The following PARG variants were observed in gnomAD, a reference collection of about 807,000 sequenced individuals.
PARG encodes mitochondrial poly(ADP-ribose) glycohydrolase.
Under a neutral mutation model 113.0 loss-of-function variants are expected in PARG, and 35 were observed. The ratio of observed to expected loss-of-function variants is 0.31; its 90% CI spans 0.24 to 0.41. The LOEUF (loss-of-function observed/expected upper bound fraction) is 0.41. Among genes scored for constraint, PARG ranks in the 10% least tolerant of loss-of-function variants. The pLI, the probability that PARG is intolerant of heterozygous loss-of-function variation, is 1.00. For missense variants in PARG, 797 were observed against 1,169.4 expected (o/e 0.68, Z 4.64); for synonymous variants, 330 against 409.9 (o/e 0.81, Z 2.36).
At chr10:49,913,028 AT>A (rs1384413131) in intron 7 of PARG, among the ~76,000 whole-genome samples, 10 of 152,142 alleles carry the variant, frequency 6.6e-5, no homozygotes, top group African/African-American at 2.4e-4. Context: ...CAAACCAAAT[AT>A]ATTTTCAACT....
intron 4 of PARG, among the ~76,000 whole-genome samples, chr10:49,927,301 GTCAAGAAAGAAAGAAAGAAA>G (rs1589003837): frequency 7.6e-5 from 11 of 144,970 alleles, no homozygotes; most frequent in East Asian, 4.1e-4. Flanking sequence ...GCAAGACTCT[GTCAAGAAAGAAAGAAAGAAA>G]GAAAGAAGGA....
chr10:49,823,614 CTTAA>C lies in PARG; in HGVS notation c.2648-3325_2648-3322del, dbSNP rs1456128817. On this transcript the variant is annotated intron_variant, in intron 16 of 17. Coordinates refer to ENST00000616448, the MANE Select transcript of PARG (RefSeq NM_003631.5). ...TCAATACACCCTATTTCAAAAGGTT[CTTAA>C]TTAACCTAAACTACACATAAAAATG... Among the ~76,000 whole-genome samples, 7 of 152,170 alleles carry C rather than the reference CTTAA, an allele frequency of 4.6e-5. No individual in the cohort carries two copies. The East Asian group carries it at 1.4e-3, about 29-fold the overall frequency.
chr10:49,902,910 G>T (rs1278483758), intron 7 of PARG, among the ~76,000 whole-genome samples: 6 of 151,020 alleles, frequency 4.0e-5, no homozygotes, highest in Non-Finnish European at 8.8e-5. Flanking sequence ...TCGGCTCACT[G>T]CAACCTCTGC....
At chr10:49,866,999 A>G (rs1243877159) in intron 10 of PARG, 2 of 138,984 alleles carry the variant, frequency 1.4e-5, no homozygotes, top group Non-Finnish European at 3.3e-5. Context: ...TAGTTTATCA[A>G]TTCTAAAAGG....
intron 4 of PARG, among the ~76,000 whole-genome samples, chr10:49,928,174 G>T (rs1372943180): frequency 2.0e-5 from 3 of 151,924 alleles, no homozygotes; most frequent in Admixed American, 1.3e-4. Context: ...GGGAGGGTGA[G>T]GTAGGAGGAT....
At chr10:49,876,562 A>C (rs1846946219) in intron 9 of PARG, among the ~76,000 whole-genome samples, 1 of 152,236 alleles carries the variant, frequency 6.6e-6, no homozygotes, top group South Asian at 2.1e-4. Context: ...AGGTACACAC[A>C]GGCTAGCATA....
At chr10:49,898,730 T>C (rs1321061333) in intron 7 of PARG, among the ~76,000 whole-genome samples, 5 of 152,026 alleles carry the variant, frequency 3.3e-5, no homozygotes, top group Non-Finnish European at 2.9e-5. Context: ...CTATAGCATC[T>C]GTTTGTGCTG....
At chr10:49,887,082 C>T (rs1448730800) in intron 7 of PARG, among the ~76,000 whole-genome samples, 6 of 149,692 alleles carry the variant, frequency 4.0e-5, no homozygotes, top group Middle Eastern at 3.4e-3. Context: ...CAGGGTCTTG[C>T]TCTGTTGCCC....
At position 49,819,307 on chromosome 10, in the gene PARG, G is replaced by A; in HGVS notation, c.*33C>T. ...CAGCTCAAACAGGACGTCTCTGGTG[G>A]GAGGTGGGAGGAGATGCTATTCGCT... On this transcript the variant is annotated 3_prime_UTR_variant, in exon 18 of 18. Transcript: ENST00000616448. 1 of 1,527,838 alleles carries A rather than the reference G, an allele frequency of 6.5e-7. No individual in the cohort carries two copies. Among genetic ancestry groups the A allele is most frequent in the Non-Finnish European group, 8.8e-7 (1 of 1,130,016 alleles). The allele number at this position is 1,527,838 out of a possible 1,614,324, so 94.6% of individuals were successfully genotyped here.
chr10:49,853,269 C>T (rs1176816196), intron 13 of PARG, among the ~76,000 whole-genome samples: 2 of 151,856 alleles, frequency 1.3e-5, no homozygotes, highest in Admixed American at 1.3e-4. Context: ...ATCTCCTGAC[C>T]TCATGATCCG....
At chr10:49,916,890 CT>C (rs1837500880) in intron 6 of PARG, among the ~76,000 whole-genome samples, 1 of 152,126 alleles carries the variant, frequency 6.6e-6, no homozygotes, top group Non-Finnish European at 1.5e-5. Context: ...CTGAAAACCA[CT>C]GTTAGATTAT....
chr10:49,936,647 C>T (rs1279337459), intron 1 of PARG, among the ~76,000 whole-genome samples: 3 of 152,130 alleles, frequency 2.0e-5, no homozygotes, highest in East Asian at 3.9e-4. Flanking sequence ...CTTAAACATT[C>T]GCAAATGTTT....
intron 9 of PARG, among the ~76,000 whole-genome samples, chr10:49,876,844 C>T (rs1239819352): frequency 2.0e-5 from 3 of 150,662 alleles, no homozygotes; most frequent in African/African-American, 7.3e-5. Flanking sequence ...ATACCAGTAT[C>T]TAAAAACAAA....
intron 15 of PARG, among the ~76,000 whole-genome samples, chr10:49,836,887 C>T (rs1032755764): frequency 6.6e-6 from 1 of 152,214 alleles, no homozygotes; most frequent in Non-Finnish European, 1.5e-5. Context: ...GAAAGCTCCA[C>T]AAAACATATT....
At chr10:49,826,882 T>A (rs1844385241) in intron 16 of PARG, among the ~76,000 whole-genome samples, 1 of 152,190 alleles carries the variant, frequency 6.6e-6, no homozygotes, top group South Asian at 2.1e-4. Flanking sequence ...CAGGCAGAGA[T>A]AATCTGATGG....
In PARG at chr10:49,838,700, C is replaced by T. The variant is rs561631352; in HGVS notation, c.2541+3250G>A. ...CATTTAATGGCAAGAATTACTTTTACTATTGTTATCTGTATAATTTGAAAA... is the reference window on the plus strand; with the variant it reads ...CATTTAATGGCAAGAATTACTTTTATTATTGTTATCTGTATAATTTGAAAA... On this transcript the variant is annotated intron_variant, in intron 15 of 17. Coordinates refer to ENST00000616448, the MANE Select transcript of PARG (RefSeq NM_003631.5). Among the ~76,000 whole-genome samples the T allele has an allele frequency of 1.3e-3, 199 of 152,022 alleles. 1 individual carries two copies. The highest frequency in any genetic ancestry group is 4.6e-3 in the African/African-American group (190 of 41,484).
chr10:49,915,690 C>G (rs577968586), intron 7 of PARG, among the ~76,000 whole-genome samples: 111 of 152,016 alleles, frequency 7.3e-4, no homozygotes, highest in African/African-American at 2.4e-3. Context: ...CTTGATAATG[C>G]TGATAATGGT....
At chr10:49,850,100 G>A (rs1199732144) in intron 13 of PARG, among the ~76,000 whole-genome samples, 7 of 140,658 alleles carry the variant, frequency 5.0e-5, no homozygotes, top group African/African-American at 8.0e-5. Flanking sequence ...AGAACTTGCC[G>A]AATAAACATA....
chr10:49,854,284 G>A (rs1423930193), intron 13 of PARG, among the ~76,000 whole-genome samples: 1 of 151,488 alleles, frequency 6.6e-6, no homozygotes, highest in Non-Finnish European at 1.5e-5. Flanking sequence ...GGAGGGCCCC[G>A]CTCAGAAGGC....
Sources: allele counts gnomAD v4.1 joint callset (sites outside exome capture counted in the v4.1 genomes callset), GRCh38; gene constraint gnomAD v4.1.1; transcripts MANE v1.5; gene names NCBI Gene and HGNC (gene_info 2026-07-23, HGNC 2026-07-21).